The following PIK3CA variants were observed in gnomAD, a reference collection of about 807,000 sequenced individuals.
PIK3CA encodes the protein phosphatidylinositol-4,5-bisphosphate 3-kinase catalytic subunit alpha, also known as phosphatidylinositol 4,5-bisphosphate 3-kinase catalytic subunit alpha isoform.
A neutral mutation model predicts 138.2 loss-of-function variants in PIK3CA; 27 were observed. The observed-to-expected ratio is 0.20, with a 90% CI of 0.14 to 0.27. The LOEUF (loss-of-function observed/expected upper bound fraction) is 0.27, where lower values mean the gene tolerates loss of function less well. Among genes scored for constraint, PIK3CA ranks in the 10% least tolerant of loss-of-function variants. The pLI is 1.00. For missense variants in PIK3CA, 544 were observed against 1,277.4 expected (o/e 0.43, Z 8.75); for synonymous variants, 358 against 413.2 (o/e 0.87, Z 1.62).
chr3:179,165,720 T>G (rs1359797683), intron 1 of PIK3CA, among the ~76,000 whole-genome samples: 1 of 152,168 alleles, frequency 6.6e-6, no homozygotes, highest in East Asian at 1.9e-4. Context: ...TTTTCTACAT[T>G]TTTTTCTCAT....
At chr3:179,205,226 A>G (rs1724529627) in intron 6 of PIK3CA, among the ~76,000 whole-genome samples, 1 of 152,050 alleles carries the variant, frequency 6.6e-6, no homozygotes, top group Non-Finnish European at 1.5e-5. Flanking sequence ...TATATTTTAC[A>G]TCATTAGCTT....
At chr3:179,212,294 C>T (rs1364716794) in intron 9 of PIK3CA, among the ~76,000 whole-genome samples, 1 of 149,526 alleles carries the variant, frequency 6.7e-6, no homozygotes, top group Non-Finnish European at 1.5e-5. Flanking sequence ...AGGCGTGAGC[C>T]ACCGCGCCCG....
chr3:179,228,940 G>A (rs1239058633), intron 17 of PIK3CA, among the ~76,000 whole-genome samples: 2 of 151,862 alleles, frequency 1.3e-5, no homozygotes, highest in African/African-American at 2.4e-5. Flanking sequence ...GTTTTATTTC[G>A]ATGTCAATTA....
chr3:179,228,664 AT>A (rs970826150), intron 17 of PIK3CA, among the ~76,000 whole-genome samples: 3 of 152,072 alleles, frequency 2.0e-5, no homozygotes, highest in Non-Finnish European at 4.4e-5. Flanking sequence ...ACATTTAAAA[AT>A]TTTTTTAAAT....
At chr3:179,217,042 G>A (rs377162934) in intron 9 of PIK3CA, among the ~76,000 whole-genome samples, 9 of 152,120 alleles carry the variant, frequency 5.9e-5, no homozygotes, top group South Asian at 2.1e-4. Flanking sequence ...CAAATTTTAC[G>A]TGGTCTGAAT....
At chr3:179,210,818 A>G (rs1029007570) in intron 9 of PIK3CA, among the ~76,000 whole-genome samples, 1 of 152,268 alleles carries the variant, frequency 6.6e-6, no homozygotes, top group Non-Finnish European at 1.5e-5. Context: ...GCACTGGGAA[A>G]GGCACTAGGT....
intron 20 of PIK3CA, among the ~76,000 whole-genome samples, chr3:179,232,422 T>C (rs1368007076): frequency 6.6e-6 from 1 of 152,144 alleles, no homozygotes; most frequent in Non-Finnish European, 1.5e-5. Context: ...TTGTAAGTTT[T>C]TGGCTTTATT....
chr3:179,196,755 T>C (rs1724274440), intron 1 of PIK3CA, among the ~76,000 whole-genome samples: 1 of 152,318 alleles, frequency 6.6e-6, no homozygotes, highest in South Asian at 2.1e-4. Flanking sequence ...TAGGCCCTCT[T>C]GCTCTCTTTA....
At chr3:179,168,147 C>T (rs1304102019) in intron 1 of PIK3CA, among the ~76,000 whole-genome samples, 7 of 152,148 alleles carry the variant, frequency 4.6e-5, no homozygotes, top group African/African-American at 1.2e-4. Flanking sequence ...GTCTCTTCCT[C>T]TTTCTTGACC....
intron 1 of PIK3CA, among the ~76,000 whole-genome samples, chr3:179,174,374 G>T (rs1723643379): frequency 6.6e-6 from 1 of 152,042 alleles, no homozygotes; most frequent in Admixed American, 6.5e-5. Flanking sequence ...GGAGGCTAAG[G>T]CAGGAGAATA....
intron 1 of PIK3CA, among the ~76,000 whole-genome samples, chr3:179,154,752 A>G (rs1169617764): frequency 6.6e-6 from 1 of 152,204 alleles, no homozygotes; most frequent in African/African-American, 2.4e-5. Flanking sequence ...ATTATTTTAA[A>G]TTTATATTTA....
intron 1 of PIK3CA, among the ~76,000 whole-genome samples, chr3:179,150,898 A>G (rs540569050): frequency 8.5e-5 from 13 of 152,332 alleles, no homozygotes; most frequent in Admixed American, 7.8e-4. Flanking sequence ...TTTAAAGGGC[A>G]CTTGCTCTGT....
At chr3:179,162,238 C>G (rs780187632) in intron 1 of PIK3CA, among the ~76,000 whole-genome samples, 5 of 152,062 alleles carry the variant, frequency 3.3e-5, no homozygotes, top group Non-Finnish European at 7.4e-5. Context: ...TACACATGCA[C>G]AGATGATAGT....
chr3:179,195,721 G>A (rs1724250715), intron 1 of PIK3CA, among the ~76,000 whole-genome samples: 1 of 152,078 alleles, frequency 6.6e-6, no homozygotes, highest in African/African-American at 2.4e-5. Context: ...TCCATTTATT[G>A]GAGGCAAGTG....
upstream of PIK3CA, chr3:179,148,179 G>C (rs1722900205): frequency 6.6e-6 from 1 of 152,034 alleles, no homozygotes; most frequent in Non-Finnish European, 1.5e-5. Flanking sequence ...GAGGGGGGGG[G>C]CCGAGGGGGT....
intron 1 of PIK3CA, among the ~76,000 whole-genome samples, chr3:179,173,304 A>G (rs1723607080): frequency 6.6e-6 from 1 of 150,886 alleles, no homozygotes; most frequent in East Asian, 1.9e-4. Context: ...CACGCCTGTA[A>G]TCCCAGCACT....
At chr3:179,173,172 CACAT>C (rs1325383420) in intron 1 of PIK3CA, among the ~76,000 whole-genome samples, 1 of 151,640 alleles carries the variant, frequency 6.6e-6, no homozygotes, top group African/African-American at 2.4e-5. Flanking sequence ...TTAATAAAAA[CACAT>C]AAATAAACTT....
chr3:179,186,191 G>A (rs1723977934), intron 1 of PIK3CA, among the ~76,000 whole-genome samples: 1 of 152,178 alleles, frequency 6.6e-6, no homozygotes, highest in Non-Finnish European at 1.5e-5. Flanking sequence ...CAGGAGAGAG[G>A]ACAGAGACTA....
At chr3:179,154,106 T>G (rs147212603) in intron 1 of PIK3CA, among the ~76,000 whole-genome samples, 47 of 152,304 alleles carry the variant, frequency 3.1e-4, no homozygotes, top group African/African-American at 1.1e-3. Flanking sequence ...GTTTGTAAGT[T>G]TGTAATAAAA....
Sources: gnomAD v4.1 joint callset for allele counts (sites outside exome capture counted in the v4.1 genomes callset) on GRCh38, gnomAD v4.1.1 for gene constraint, MANE v1.5 for transcripts, NCBI Gene and HGNC (gene_info 2026-07-23, HGNC 2026-07-21) for gene names.